Variants in ANKFY1 observed in about 807,000 individuals in gnomAD.
The protein encoded by ANKFY1 is ankyrin repeat and FYVE domain-containing protein 1.
ANKFY1 carries 47 observed loss-of-function variants against 128.3 expected under a neutral mutation model. The ratio of observed to expected loss-of-function variants is 0.37; its 90% confidence interval spans 0.29 to 0.47. ANKFY1 has a LOEUF of 0.47. ANKFY1 is among the 20% of genes least tolerant of loss of function. ANKFY1 has a pLI of 1.00. For synonymous variants in ANKFY1, 553 were observed against 601.6 expected (o/e 0.92, Z 1.18); for missense variants, 1,222 against 1,510.6 (o/e 0.81, Z 3.17).
intron 1 of ANKFY1, chr17:4,263,586 A>G (rs2143622904): frequency 6.5e-7 from 1 of 1,534,546 alleles, no homozygotes. Context: ...TCCTAAGGAG[A>G]AGGCTTACTT....
intron 1 of ANKFY1, among the ~76,000 whole-genome samples, chr17:4,252,603 T>C (rs1249501662): frequency 1.3e-5 from 2 of 152,156 alleles, no homozygotes; most frequent in East Asian, 1.9e-4. Flanking sequence ...AGAAGCCTGA[T>C]ACATTGCTAA....
At chr17:4,214,738 C>CT (rs2060192785) in intron 4 of ANKFY1, among the ~76,000 whole-genome samples, 1 of 151,626 alleles carries the variant, frequency 6.6e-6, no homozygotes, top group African/African-American at 2.4e-5. Flanking sequence ...ATGTTGGTGA[C>CT]TTTTAAAGTA....
Position 4,184,901 on chromosome 17 carries a change from T to C in ANKFY1, c.1616A>G (p.Asp539Gly), listed in dbSNP as rs1289772019. ...CAGTGGCGTCTGCAGATGGACGCTGTCCGCCAAGCTGGTCAGGGATGCGGC... is the reference window on the plus strand; with the variant it reads ...CAGTGGCGTCTGCAGATGGACGCTGCCCGCCAAGCTGGTCAGGGATGCGGC... ...KEAASLTSLA[D>G]SVHLQTPLHM... The change falls in exon 12 of 25, where the codon GAC becomes GGC. Residue 539 changes from aspartate to glycine, a missense_variant. Asp to Gly is a moderately conservative substitution (Grantham distance 94). Transcript: ENST00000341657. 1 of 1,613,954 alleles carries C rather than the reference T, an allele frequency of 6.2e-7. No homozygotes were observed. Among genetic ancestry groups the C allele is most frequent in the Non-Finnish European group, 8.5e-7 (1 of 1,180,040 alleles).
At chr17:4,261,883 G>C (rs1968437771) in intron 1 of ANKFY1, among the ~76,000 whole-genome samples, 1 of 152,196 alleles carries the variant, frequency 6.6e-6, no homozygotes, top group Non-Finnish European at 1.5e-5. Flanking sequence ...AGCAACAGCT[G>C]TCTGCTGTGT....
Position 4,193,419 on chromosome 17 carries a change from C to CTT in ANKFY1, c.1372+1557_1372+1558dup, listed in dbSNP as rs34747890. Among the ~76,000 whole-genome samples, 356 of 108,210 alleles carry CTT rather than the reference C, an allele frequency of 3.3e-3. 35 individuals carry two copies. Among genetic ancestry groups the CTT allele is most frequent in the African/African-American group, 5.2e-3 (123 of 23,762 alleles). The allele number at this position is 108,210 out of a possible 152,430, so 71.0% of individuals were successfully genotyped here. On this transcript the variant is annotated intron_variant, in intron 10 of 24. Transcript: ENST00000341657. ...TACAGGCATGAGCCACCAGTCGACT[C>CTT]TTTTTTTTTTTTTTTTTTTTTTTTT...
At chr17:4,225,279 G>T (rs150709735) in intron 3 of ANKFY1, among the ~76,000 whole-genome samples, 2,302 of 152,138 alleles carry the variant, frequency 0.015, 45 homozygotes, top group African/African-American at 0.051. Flanking sequence ...ATCTCTTGAA[G>T]CCGGGAGGCA....
At chr17:4,174,099 A>G (rs1401725434) in intron 19 of ANKFY1, 43 bp from the exon 20 acceptor site, 2 of 1,603,048 alleles carry the variant, frequency 1.2e-6, no homozygotes, top group Non-Finnish European at 1.7e-6. Flanking sequence ...CTCTGCCACA[A>G]TCAAGATCCC....
intron 11 of ANKFY1, chr17:4,186,987 C>T (rs1343876979): frequency 1.5e-5 from 18 of 1,209,178 alleles, no homozygotes; most frequent in East Asian, 6.7e-5. Flanking sequence ...TCCATGGGTT[C>T]GCCGCAACTG....
intron 10 of ANKFY1, among the ~76,000 whole-genome samples, chr17:4,189,837 C>T (rs1050520455): frequency 1.3e-5 from 2 of 149,758 alleles, no homozygotes; most frequent in African/African-American, 5.1e-5. Flanking sequence ...CATAGGTACT[C>T]TCTGTATGTG....
chr17:4,244,016 C>T (rs757463219), intron 1 of ANKFY1, among the ~76,000 whole-genome samples: 4 of 152,000 alleles, frequency 2.6e-5, no homozygotes, highest in South Asian at 2.1e-4. Context: ...CTGCAACCTC[C>T]GTCTCCTGGG....
At chr17:4,202,033 A>G (rs1292533413) in intron 7 of ANKFY1, among the ~76,000 whole-genome samples, 3 of 152,222 alleles carry the variant, frequency 2.0e-5, no homozygotes, top group Non-Finnish European at 4.4e-5. Context: ...AAAGTCCAAA[A>G]TATGAGATAC....
At chr17:4,226,393 G>T (rs111631769) in intron 3 of ANKFY1, among the ~76,000 whole-genome samples, 3,036 of 152,040 alleles carry the variant, frequency 0.02, 106 homozygotes, top group African/African-American at 0.069. Context: ...CAAGTGTGGT[G>T]GCATGCGCTT....
Position 4,178,631 on chromosome 17 carries a change from G to A in ANKFY1, c.2598+226C>T, listed in dbSNP as rs981093858. The A allele has an allele frequency of 1.0e-5, 6 of 574,284 alleles. No homozygotes were observed. Among genetic ancestry groups the A allele is most frequent in the Admixed American group, 6.0e-5 (2 of 33,164 alleles). 35.6% of individuals were successfully genotyped at this position (574,284 alleles called of 1,614,324 possible). A position where few individuals can be genotyped will look rare whatever the true frequency, so the allele number is the denominator to read the frequency against. On this transcript the variant is annotated intron_variant, in intron 18 of 24. Coordinates refer to ENST00000341657, the MANE Select transcript of ANKFY1 (RefSeq NM_001330063.2). This position sits in a 1 kb window ranked among gnomAD's most constrained non-coding sequence, Gnocchi z 4.1. ...TCCTACGATGGAGCCCACTGCCTCC[G>A]CTTCCATCGAAGCCGGGCACTGTCA...
intron 1 of ANKFY1, among the ~76,000 whole-genome samples, chr17:4,249,793 T>C (rs1304361596): frequency 6.6e-6 from 1 of 152,168 alleles, no homozygotes. Flanking sequence ...AGTTATGCTC[T>C]TGACTGCGCA....
intron 1 of ANKFY1, among the ~76,000 whole-genome samples, chr17:4,257,831 C>T (rs1193686485): frequency 6.6e-6 from 1 of 152,216 alleles, no homozygotes; most frequent in Admixed American, 6.5e-5. Flanking sequence ...CTCCTCCTCC[C>T]GACAGTACCT....
intron 1 of ANKFY1, among the ~76,000 whole-genome samples, chr17:4,255,817 CT>C (rs111967049): frequency 3.6e-4 from 52 of 144,748 alleles, no homozygotes; most frequent in South Asian, 6.6e-4. Context: ...TACTACTTTT[CT>C]TTTTTTTTTT....
intron 3 of ANKFY1, among the ~76,000 whole-genome samples, chr17:4,234,477 A>AAGTAACC (rs1966859781): frequency 6.6e-6 from 1 of 152,046 alleles, no homozygotes; most frequent in African/African-American, 2.4e-5. Flanking sequence ...AACAAGTAAC[A>AAGTAACC]TTAAATAGGC....
At chr17:4,236,350 C>A (rs1966903309) in intron 2 of ANKFY1, among the ~76,000 whole-genome samples, 1 of 152,146 alleles carries the variant, frequency 6.6e-6, no homozygotes, top group Non-Finnish European at 1.5e-5. Flanking sequence ...AACAGAAAAA[C>A]CGTGAACAAA....
At chr17:4,197,958 C>T (rs998416896) in intron 7 of ANKFY1, among the ~76,000 whole-genome samples, 1 of 151,030 alleles carries the variant, frequency 6.6e-6, no homozygotes, top group Non-Finnish European at 1.5e-5. Context: ...GGAAAAACCC[C>T]GTCTCTACTA....
Sources: allele counts gnomAD v4.1 joint callset (sites outside exome capture counted in the v4.1 genomes callset), GRCh38; gene constraint gnomAD v4.1.1; non-coding constraint Gnocchi (gnomAD v3.1); transcripts MANE v1.5; gene names NCBI Gene and HGNC (gene_info 2026-07-23, HGNC 2026-07-21).